ATRX: variants seen among roughly 807,000 people sequenced by gnomAD.
ATRX encodes ATRX chromatin remodeler.
A neutral mutation model predicts 172.6 loss-of-function variants in ATRX; 12 were observed. The ratio of observed to expected loss-of-function variants is 0.07; its 90% CI spans 0.04 to 0.11. The LOEUF (loss-of-function observed/expected upper bound fraction) is 0.11, where lower values mean the gene tolerates loss of function less well. Ranked by LOEUF, ATRX falls within the 10% of genes least tolerant of loss-of-function variation. The probability of loss-of-function intolerance (pLI) is 1.00; values close to 1 mark genes in which losing one functional copy is unlikely to be tolerated. For missense variants in ATRX, 1,368 were observed against 1,767.4 expected, an observed-to-expected ratio of 0.77 and a Z score of 4.05; for synonymous variants, 674 against 594.7, an observed-to-expected ratio of 1.13 and a Z score of -1.94.
In ATRX at chrX:77,707,845, C is replaced by T. The variant is rs781996486; in HGVS notation, c.134-9216G>A. The stretch of plus-strand genomic sequence containing the variant: ...TGAAATGATGTTCAACATCATTACC[C>T]TTCAGGCAGTTGAAAACTAAAATCA... On this transcript the variant is annotated intron_variant, in intron 2 of 34. Transcript: ENST00000373344. Among the ~76,000 whole-genome samples, 4 of 112,033 alleles carry T rather than the reference C, an allele frequency of 3.6e-5. 1 individual carries two copies. In the South Asian group the frequency reaches 1.5e-3, roughly 42 times the overall value.
At chrX:77,730,374 C>T (rs1455678305) in intron 1 of ATRX, among the ~76,000 whole-genome samples, 2 of 111,802 alleles carry the variant, frequency 1.8e-5, no homozygotes, top group African/African-American at 6.5e-5. Flanking sequence ...GAGAGACAGG[C>T]CCCAATATGA....
At chrX:77,707,979 G>A (rs1557158041) in intron 2 of ATRX, among the ~76,000 whole-genome samples, 3 of 111,893 alleles carry the variant, frequency 2.7e-5, no homozygotes, top group Non-Finnish European at 5.6e-5. Flanking sequence ...TACTCCTGGT[G>A]GAAAAGTAAA....
At chrX:77,577,894 T>G (rs1014784187) in intron 27 of ATRX, among the ~76,000 whole-genome samples, 1 of 111,408 alleles carries the variant, frequency 9.0e-6, no homozygotes, top group Non-Finnish European at 1.9e-5. Context: ...AAAAATCAGG[T>G]GAGCAATTAT....
intron 34 of ATRX, among the ~76,000 whole-genome samples, chrX:77,515,249 G>A (rs914915926): frequency 1.8e-5 from 2 of 111,483 alleles, no homozygotes; most frequent in Non-Finnish European, 3.8e-5. Context: ...CTATTACTGG[G>A]TATAAATTCA....
chrX:77,559,295 T>G lies in ATRX; in HGVS notation c.6327-449A>C, dbSNP rs1367847504. On this transcript the variant is annotated intron_variant, in intron 28 of 34. Coordinates refer to ENST00000373344, the MANE Select transcript of ATRX (RefSeq NM_000489.6). Reference sequence around the variant, plus strand: ...AGCATAAAGAATGTAAGGAGAGGCGTTAGACAGATGCAAGGTACTGAGGTA... The same window carrying G: ...AGCATAAAGAATGTAAGGAGAGGCGGTAGACAGATGCAAGGTACTGAGGTA... Among the ~76,000 whole-genome samples, 5 of 107,541 alleles carry G rather than the reference T, an allele frequency of 4.6e-5. No homozygotes were observed. The Admixed American group carries it at 5.1e-4, about 11-fold the overall frequency. 93.4% of individuals were successfully genotyped at this position (107,541 alleles called of 115,157 possible). A position where few individuals can be genotyped will look rare whatever the true frequency, so the allele number is the denominator to read the frequency against.
chrX:77,553,791 T>C (rs782251811), intron 30 of ATRX, among the ~76,000 whole-genome samples: 5 of 111,820 alleles, frequency 4.5e-5, no homozygotes, highest in Non-Finnish European at 7.5e-5. Flanking sequence ...AAGAAAGAAA[T>C]GAATATTCCT....
intron 27 of ATRX, among the ~76,000 whole-genome samples, chrX:77,586,801 G>A (rs2066043236): frequency 8.9e-6 from 1 of 111,864 alleles, no homozygotes; most frequent in African/African-American, 3.2e-5. Flanking sequence ...GCTCACGCCT[G>A]TAATCCCAGT....
chrX:77,731,674 C>G (rs1455703111), intron 1 of ATRX, among the ~76,000 whole-genome samples: 1 of 111,346 alleles, frequency 9.0e-6, no homozygotes, highest in Admixed American at 9.6e-5. Flanking sequence ...TATAAAGACC[C>G]CAGATTCAGT....
chrX:77,784,828 C>G (rs1302449162), intron 1 of ATRX, among the ~76,000 whole-genome samples: 1 of 112,040 alleles, frequency 8.9e-6, no homozygotes, highest in Non-Finnish European at 1.9e-5. Context: ...AAAACATATG[C>G]CAATCTAAGA....
chrX:77,554,859 T>C (rs2064711182), intron 30 of ATRX, among the ~76,000 whole-genome samples: 4 of 112,468 alleles, frequency 3.6e-5, no homozygotes, highest in Admixed American at 1.9e-4. Context: ...AGGTATCTGA[T>C]TGTACTTCCT....
chrX:77,684,781 C>T (rs1557142960), intron 8 of ATRX, among the ~76,000 whole-genome samples, 158 bp downstream of exon 8: 1 of 111,895 alleles, frequency 8.9e-6, no homozygotes, highest in Non-Finnish European at 1.9e-5. Context: ...TTATTAGAAA[C>T]TTAAACTAGA....
chrX:77,712,785 C>T (rs782300817), intron 2 of ATRX, among the ~76,000 whole-genome samples: 2 of 110,632 alleles, frequency 1.8e-5, no homozygotes, highest in Non-Finnish European at 3.8e-5. Flanking sequence ...GCTGAGATGG[C>T]GCCACTGCAC....
At chrX:77,731,822 C>T (rs782498905) in intron 1 of ATRX, among the ~76,000 whole-genome samples, 43 of 111,052 alleles carry the variant, frequency 3.9e-4, no homozygotes, top group African/African-American at 1.3e-3. Flanking sequence ...GCTCCCCTCT[C>T]CACTGAGCCA....
intron 1 of ATRX, among the ~76,000 whole-genome samples, chrX:77,742,168 G>C (rs1557182573): frequency 8.9e-6 from 1 of 111,780 alleles, no homozygotes; most frequent in Non-Finnish European, 1.9e-5. Flanking sequence ...GACCAACTAA[G>C]AAGAAAAGGC....
At chrX:77,645,127 A>C (rs1016481841) in intron 15 of ATRX, among the ~76,000 whole-genome samples, 1 of 111,524 alleles carries the variant, frequency 9.0e-6, no homozygotes, top group Non-Finnish European at 1.9e-5. Flanking sequence ...TGAAAAAAAA[A>C]GTTAGCTGAG....
intron 1 of ATRX, among the ~76,000 whole-genome samples, chrX:77,744,597 G>A (rs1261399299): frequency 3.6e-5 from 4 of 110,814 alleles, no homozygotes; most frequent in African/African-American, 1.3e-4. Context: ...TGATTTTAAG[G>A]GTCACTGAGA....
chrX:77,558,893 C>T (rs1557060473), intron 28 of ATRX, 47 bp from the exon 29 acceptor site: 3 of 1,019,034 alleles, frequency 2.9e-6, no homozygotes, highest in East Asian at 6.3e-5. Flanking sequence ...TAGTACTTTA[C>T]AAATATTTTA....
At chrX:77,684,708 A>C in intron 8 of ATRX, 115 bp from the exon 9 acceptor site, 2 of 922,662 alleles carry the variant, frequency 2.2e-6, no homozygotes, top group Non-Finnish European at 3.0e-6. Flanking sequence ...TCTCTTTGTT[A>C]TAATGCAATT....
At chrX:77,599,272 T>G (rs1387061551) in intron 25 of ATRX, 139 bp downstream of exon 25, 1 of 636,287 alleles carries the variant, frequency 1.6e-6, no homozygotes, top group Admixed American at 2.8e-5. Context: ...ACTGTAATTA[T>G]GAGTACTTGA....
Sources: gnomAD v4.1 joint callset for allele counts (sites outside exome capture counted in the v4.1 genomes callset) on GRCh38, gnomAD v4.1.1 for gene constraint, MANE v1.5 for transcripts, NCBI Gene and HGNC (gene_info 2026-07-23, HGNC 2026-07-21) for gene names.